Variants in NRXN3 observed in about 807,000 individuals in gnomAD.
NRXN3 encodes neurexin III.
Under a neutral mutation model 137.6 loss-of-function variants are expected in NRXN3, and 32 were observed. That is an observed-to-expected ratio of 0.23 (90% CI 0.18 to 0.31). NRXN3 has a LOEUF of 0.31. Ranked by LOEUF, NRXN3 falls within the 10% of genes least tolerant of loss-of-function variation. The probability of loss-of-function intolerance (pLI) is 1.00; values close to 1 mark genes in which losing one functional copy is unlikely to be tolerated. For synonymous variants in NRXN3, 798 were observed against 784.5 expected, an observed-to-expected ratio of 1.02 and a Z score of -0.29; for missense variants, 1,574 against 2,062.5, an observed-to-expected ratio of 0.76 and a Z score of 4.59.
At chr14:78,170,733 C>T (rs1435841973) in intron 1 of NRXN3, 59 bp downstream of exon 1, 2 of 152,158 alleles carry the variant, frequency 1.3e-5, no homozygotes, top group African/African-American at 2.4e-5. Flanking sequence ...GGTTCTTGTC[C>T]GTTCTGGGAA....
At chr14:79,181,057 CAT>C (rs3035618) in intron 15 of NRXN3, among the ~76,000 whole-genome samples, 17,885 of 144,762 alleles carry the variant, frequency 0.12, 1,200 homozygotes, top group African/African-American at 0.21. Flanking sequence ...TGTCTGTGTG[CAT>C]ATATATATAT....
intron 16 of NRXN3, among the ~76,000 whole-genome samples, chr14:79,602,838 A>T (rs1489383044): frequency 6.6e-6 from 1 of 152,080 alleles, no homozygotes. Flanking sequence ...TGATTTCCAA[A>T]TCTAACTTGT....
chr14:78,617,391 T>A (rs767455281), intron 4 of NRXN3, among the ~76,000 whole-genome samples: 1 of 152,146 alleles, frequency 6.6e-6, no homozygotes, highest in Admixed American at 6.5e-5. Flanking sequence ...ATGGTAGTGT[T>A]AAGAGTTTTT....
chr14:78,963,446 C>G (rs987251409), intron 11 of NRXN3, among the ~76,000 whole-genome samples: 1 of 152,126 alleles, frequency 6.6e-6, no homozygotes, highest in African/African-American at 2.4e-5. Context: ...GACTATGACT[C>G]CCCCTCCCCA....
chr14:79,441,569 A>C (rs904749425), intron 15 of NRXN3, among the ~76,000 whole-genome samples: 10 of 150,962 alleles, frequency 6.6e-5, no homozygotes, highest in African/African-American at 2.4e-4. Flanking sequence ...TTTAGTAGAG[A>C]CGGGGTTTCA....
At chr14:78,470,951 T>C (rs544027912) in intron 4 of NRXN3, among the ~76,000 whole-genome samples, 1 of 152,274 alleles carries the variant, frequency 6.6e-6, no homozygotes, top group Admixed American at 6.5e-5. Flanking sequence ...ACCCTGGAAC[T>C]CAGGACTTAG....
At chr14:79,793,172 C>A (rs2099150613) in intron 19 of NRXN3, among the ~76,000 whole-genome samples, 1 of 152,064 alleles carries the variant, frequency 6.6e-6, no homozygotes, top group Admixed American at 6.6e-5. Flanking sequence ...TGGCTCAAGC[C>A]TGTAATCCCA....
intron 8 of NRXN3, among the ~76,000 whole-genome samples, chr14:78,786,735 A>G (rs943908166): frequency 1.5e-4 from 23 of 152,186 alleles, no homozygotes; most frequent in Non-Finnish European, 2.9e-4. Context: ...TGTGTTTTAT[A>G]TATACTTATG....
chr14:78,628,174 A>T (rs1008276172), intron 4 of NRXN3, among the ~76,000 whole-genome samples: 1 of 151,794 alleles, frequency 6.6e-6, no homozygotes, highest in Non-Finnish European at 1.5e-5. Context: ...CTGGGCTCAA[A>T]CAACACTCCT....
At chr14:79,831,335 C>T (rs1248161395) in intron 20 of NRXN3, among the ~76,000 whole-genome samples, 5 of 152,124 alleles carry the variant, frequency 3.3e-5, no homozygotes, top group East Asian at 1.9e-4. Flanking sequence ...GAATTGGTCA[C>T]GTACAAGAAT....
At chr14:78,917,754 G>T (rs1009164812) in intron 10 of NRXN3, among the ~76,000 whole-genome samples, 2 of 152,032 alleles carry the variant, frequency 1.3e-5, no homozygotes, top group Non-Finnish European at 2.9e-5. Flanking sequence ...GAACATGGAG[G>T]TATATGAGGA....
chr14:79,803,899 G>GTGTA (rs1352479171), intron 19 of NRXN3, among the ~76,000 whole-genome samples: 2 of 144,826 alleles, frequency 1.4e-5, no homozygotes, highest in African/African-American at 5.2e-5. Context: ...AAGTGTGTGT[G>GTGTA]TATATATATA....
intron 17 of NRXN3, 137 bp from the exon 18 acceptor site, chr14:79,692,036 T>G: frequency 3.2e-6 from 2 of 617,314 alleles, no homozygotes; most frequent in Non-Finnish European, 5.5e-6. Flanking sequence ...CAGAGTGACT[T>G]CAACTCCACC....
intron 10 of NRXN3, among the ~76,000 whole-genome samples, chr14:78,938,848 C>CTTTTTTTTTTTTTTT (rs1255540319): frequency 1.5e-5 from 2 of 132,038 alleles, no homozygotes; most frequent in African/African-American, 2.8e-5. Context: ...AGTGATTTTT[C>CTTTTTTTTTTTTTTT]TTTTTTTTTT....
At position 78,589,809 on chromosome 14, in the gene NRXN3, G is replaced by C. The variant is rs138276325; in HGVS notation, c.758-55311G>C. On this transcript the variant is annotated intron_variant, in intron 4 of 20. Coordinates refer to ENST00000335750, the MANE Select transcript of NRXN3 (RefSeq NM_001330195.2). ...ATTCCGCAGGAGGGAGGCCAGGGCT[G>C]CCAAGAGCAGGAGAGCCAGAGAAAA... Among the ~76,000 whole-genome samples the C allele has an allele frequency of 2.8e-4, 43 of 152,248 alleles. 1 individual carries two copies. The East Asian group carries it at 7.4e-3, about 26-fold the overall frequency.
chr14:79,508,747 T>C (rs1054285289), intron 16 of NRXN3, among the ~76,000 whole-genome samples: 3 of 152,118 alleles, frequency 2.0e-5, no homozygotes, highest in Non-Finnish European at 4.4e-5. Flanking sequence ...GTCATTTTAG[T>C]CAAAGAGGAT....
chr14:79,042,581 A>G (rs2099626786), intron 15 of NRXN3, among the ~76,000 whole-genome samples: 1 of 152,190 alleles, frequency 6.6e-6, no homozygotes, highest in Non-Finnish European at 1.5e-5. Context: ...TTTTTCTTTT[A>G]TAGACATTAA....
At chr14:78,819,897 C>T (rs1053411571) in intron 10 of NRXN3, among the ~76,000 whole-genome samples, 1 of 152,084 alleles carries the variant, frequency 6.6e-6, no homozygotes, top group African/African-American at 2.4e-5. Flanking sequence ...AACTGTAATC[C>T]ATCAAATATT....
chr14:78,174,101 G>A (rs1338466486), intron 1 of NRXN3, among the ~76,000 whole-genome samples: 2 of 152,102 alleles, frequency 1.3e-5, no homozygotes, highest in Non-Finnish European at 2.9e-5. Context: ...TCACAAGCAG[G>A]GGATTGGAAT....
Sources: gnomAD v4.1 joint callset for allele counts (sites outside exome capture counted in the v4.1 genomes callset) on GRCh38, gnomAD v4.1.1 for gene constraint, MANE v1.5 for transcripts, NCBI Gene and HGNC (gene_info 2026-07-23, HGNC 2026-07-21) for gene names.